The following AFG2A variants were observed in gnomAD, a reference collection of about 807,000 sequenced individuals.
The protein encoded by AFG2A is AAA ATPase AFG2A.
chr4:123,214,747 ATGAAGACC>A, the AFG2A span, among the ~76,000 whole-genome samples: 1 of 152,096 alleles, frequency 6.6e-6, no homozygotes, highest in East Asian at 1.9e-4. Flanking sequence ...GGATGAAGAC[ATGAAGACC>A]TTTATGATCT....
the AFG2A span, among the ~76,000 whole-genome samples, chr4:123,085,684 C>T: frequency 3.8e-4 from 58 of 151,964 alleles, no homozygotes; most frequent in East Asian, 6.4e-3. Context: ...TGCATTTAGG[C>T]CGTTGATGTG....
chr4:123,270,989 G>A, the AFG2A span, among the ~76,000 whole-genome samples: 1 of 152,098 alleles, frequency 6.6e-6, no homozygotes, highest in Admixed American at 6.5e-5. Context: ...GGTATTTTTT[G>A]TGACACCTAT....
At chr4:122,942,520 C>A in the AFG2A span, among the ~76,000 whole-genome samples, 7 of 152,156 alleles carry the variant, frequency 4.6e-5, no homozygotes, top group Admixed American at 2.0e-4. Flanking sequence ...TGATTCTTCT[C>A]TCTTTTTTTC....
chr4:122,986,474 A>G, the AFG2A span, among the ~76,000 whole-genome samples: 40 of 152,290 alleles, frequency 2.6e-4, no homozygotes, highest in South Asian at 6.6e-3. Context: ...GGTGCATATT[A>G]TTTTAAGTGA....
the AFG2A span, among the ~76,000 whole-genome samples, chr4:123,010,496 G>GC: frequency 2.0e-5 from 3 of 152,212 alleles, no homozygotes; most frequent in Admixed American, 2.0e-4. Context: ...ATTCAAAACA[G>GC]ACATGCAGTA....
chr4:123,066,166 G>A, the AFG2A span, among the ~76,000 whole-genome samples: 1 of 152,150 alleles, frequency 6.6e-6, no homozygotes, highest in Admixed American at 6.5e-5. Context: ...CTCAGGCTTA[G>A]CGGCATTCTG....
the AFG2A span, among the ~76,000 whole-genome samples, chr4:123,135,324 G>A: frequency 6.6e-6 from 1 of 152,136 alleles, no homozygotes; most frequent in Admixed American, 6.5e-5. Flanking sequence ...AAGAGCTAAA[G>A]GCTTTTTTTC....
chr4:123,264,370 G>C, the AFG2A span, among the ~76,000 whole-genome samples: 5 of 152,070 alleles, frequency 3.3e-5, no homozygotes, highest in African/African-American at 1.2e-4. Flanking sequence ...AATAAAAAAT[G>C]AAAATAATAA....
chr4:123,282,428 T>G, the AFG2A span, among the ~76,000 whole-genome samples: 1 of 152,192 alleles, frequency 6.6e-6, no homozygotes, highest in Non-Finnish European at 1.5e-5. Flanking sequence ...ATGTTTGTCT[T>G]TCTTACTGGG....
the AFG2A span, among the ~76,000 whole-genome samples, chr4:123,043,562 A>G: frequency 2.0e-5 from 3 of 152,216 alleles, no homozygotes. Flanking sequence ...TTTGTAAGTG[A>G]TGATACCAGT....
At chr4:123,249,075 G>A in the AFG2A span, among the ~76,000 whole-genome samples, 1 of 152,150 alleles carries the variant, frequency 6.6e-6, no homozygotes, top group Non-Finnish European at 1.5e-5. Context: ...CTCCAGCTAA[G>A]CTGATTCTTT....
At chr4:123,077,830 T>C in the AFG2A span, among the ~76,000 whole-genome samples, 8,183 of 152,216 alleles carry the variant, frequency 0.054, 521 homozygotes, top group African/African-American at 0.16. Context: ...AAGTGTACAA[T>C]TCAGTGGTAC....
chr4:123,267,412 T>C, the AFG2A span, among the ~76,000 whole-genome samples: 6 of 152,020 alleles, frequency 3.9e-5, no homozygotes, highest in African/African-American at 1.2e-4. Context: ...TATAGCAAAG[T>C]TTCCCTGTTT....
chr4:122,938,207 A>T, the AFG2A span: 15 of 1,610,778 alleles, frequency 9.3e-6, no homozygotes, highest in Non-Finnish European at 1.2e-5. Context: ...TGGAAAAAAG[A>T]GTTGTGGCTT....
the AFG2A span, among the ~76,000 whole-genome samples, chr4:123,028,590 C>G: frequency 6.6e-6 from 1 of 152,048 alleles, no homozygotes; most frequent in Non-Finnish European, 1.5e-5. Context: ...ATCAGCAAAT[C>G]ATGGTAGACA....
the AFG2A span, among the ~76,000 whole-genome samples, chr4:123,148,057 T>G: frequency 6.6e-6 from 1 of 152,326 alleles, no homozygotes; most frequent in Admixed American, 6.5e-5. Context: ...TTCTCAAAGA[T>G]ATCTTTTAAA....
chr4:123,213,812 T>G, the AFG2A span, among the ~76,000 whole-genome samples: 86,439 of 152,064 alleles, frequency 0.57, 26,904 homozygotes, highest in Non-Finnish European at 0.68. Flanking sequence ...GAAATGAGAC[T>G]TCCTTGCCAG....
At chr4:123,037,227 G>A in the AFG2A span, among the ~76,000 whole-genome samples, 2 of 152,028 alleles carry the variant, frequency 1.3e-5, no homozygotes, top group Non-Finnish European at 2.9e-5. Context: ...TTATACTCGA[G>A]TTTGTGACTG....
the AFG2A span, among the ~76,000 whole-genome samples, chr4:123,244,315 T>TA: frequency 2.6e-5 from 4 of 152,108 alleles, no homozygotes; most frequent in East Asian, 3.9e-4. Context: ...TTTTGTACCT[T>TA]AAAAAAAATT....
Sources: gnomAD v4.1 joint callset for allele counts (sites outside exome capture counted in the v4.1 genomes callset) on GRCh38, gnomAD v4.1.1 for gene constraint, MANE v1.5 for transcripts, NCBI Gene and HGNC (gene_info 2026-07-23, HGNC 2026-07-21) for gene names.